The following KDM1B variants were observed in gnomAD, a reference collection of about 807,000 sequenced individuals.
The protein encoded by KDM1B is lysine demethylase 1B.
KDM1B carries 63 observed loss-of-function variants against 107.4 expected under a neutral mutation model. The observed-to-expected ratio is 0.59, with a 90% CI of 0.48 to 0.72. The LOEUF is 0.72. Among genes scored for constraint, KDM1B ranks in the 30% least tolerant of loss-of-function variants. The pLI, the probability that KDM1B is intolerant of heterozygous loss-of-function variation, is 0.00. For synonymous variants in KDM1B, 363 were observed against 363.9 expected, an observed-to-expected ratio of 1.00 and a Z score of 0.03; for missense variants, 749 against 1,020.8, an observed-to-expected ratio of 0.73 and a Z score of 3.63.
At chr6:18,163,268 C>T (rs367828469) in intron 5 of KDM1B, among the ~76,000 whole-genome samples, 1 of 151,934 alleles carries the variant, frequency 6.6e-6, no homozygotes, top group African/African-American at 2.4e-5. Context: ...CCATGTTGTC[C>T]AGGCTGGTCT....
intron 21 of KDM1B, among the ~76,000 whole-genome samples, chr6:18,218,226 C>A (rs1789397942): frequency 6.6e-6 from 1 of 151,986 alleles, no homozygotes; most frequent in Admixed American, 6.6e-5. Context: ...GCTCAGGTGA[C>A]CCTCCCACCT....
intron 21 of KDM1B, among the ~76,000 whole-genome samples, chr6:18,220,380 C>T (rs1427383983): frequency 6.6e-6 from 1 of 152,142 alleles, no homozygotes; most frequent in African/African-American, 2.4e-5. Flanking sequence ...GAAACCCCGT[C>T]ACTACTAAAA....
At chr6:18,218,019 T>C in intron 21 of KDM1B, 134 bp downstream of exon 21, 2 of 898,164 alleles carry the variant, frequency 2.2e-6, no homozygotes, top group Non-Finnish European at 3.4e-6. Context: ...GCAGAAGCCT[T>C]CTCACCATCC....
At chr6:18,171,526 C>A in intron 7 of KDM1B, 47 bp downstream of exon 7, 1 of 956,726 alleles carries the variant, frequency 1.0e-6, no homozygotes, top group Non-Finnish European at 1.7e-6. Context: ...TTAATGTAGT[C>A]AGTAAATAGT....
intron 16 of KDM1B, 150 bp downstream of exon 16, chr6:18,207,679 G>A: frequency 1.1e-6 from 1 of 885,544 alleles, no homozygotes; most frequent in Non-Finnish European, 1.7e-6. Context: ...AGCCTGTGTA[G>A]CATTATCCAT....
In KDM1B at chr6:18,184,101, C is replaced by A. The variant is rs961785528; in HGVS notation, c.535-1671C>A. Among the ~76,000 whole-genome samples, 4 of 152,024 alleles carry A rather than the reference C, an allele frequency of 2.6e-5. No homozygotes were observed. In the South Asian group the frequency reaches 8.3e-4, roughly 31 times the overall value. Reference sequence around the variant, plus strand: ...TCCCAGGAAAGTAACAGAACACACACCAGCCCCTTAGAAGCCCCGTGTCAC... The same window carrying A: ...TCCCAGGAAAGTAACAGAACACACAACAGCCCCTTAGAAGCCCCGTGTCAC... On this transcript the variant is annotated intron_variant, in intron 7 of 21. Coordinates refer to ENST00000650836, the MANE Select transcript of KDM1B (RefSeq NM_001364614.2).
chr6:18,195,814 A>G (rs1395944784), intron 10 of KDM1B, among the ~76,000 whole-genome samples: 1 of 151,976 alleles, frequency 6.6e-6, no homozygotes, highest in African/African-American at 2.4e-5. Flanking sequence ...GCCTTACATC[A>G]TATAGTTACC....
At chr6:18,175,867 A>G (rs111240072) in intron 7 of KDM1B, among the ~76,000 whole-genome samples, 261 of 152,222 alleles carry the variant, frequency 1.7e-3, no homozygotes, top group African/African-American at 6.1e-3. Context: ...TTTGGTGACT[A>G]TGGCCTTATA....
chr6:18,190,490 T>C (rs1561931479), intron 9 of KDM1B, among the ~76,000 whole-genome samples: 3 of 148,570 alleles, frequency 2.0e-5, no homozygotes, highest in Non-Finnish European at 4.5e-5. Flanking sequence ...TAGTCCCAGC[T>C]ACTCGGGAGG....
intron 10 of KDM1B, among the ~76,000 whole-genome samples, chr6:18,194,488 G>A (rs1453415922): frequency 1.3e-5 from 2 of 152,276 alleles, no homozygotes; most frequent in Middle Eastern, 3.4e-3. Flanking sequence ...AAACCGACAC[G>A]ATAAAGTGTA....
At chr6:18,210,295 C>A (rs533760897) in intron 17 of KDM1B, among the ~76,000 whole-genome samples, 1 of 136,944 alleles carries the variant, frequency 7.3e-6, no homozygotes, top group South Asian at 2.3e-4. Flanking sequence ...TATCATTTGC[C>A]TATTTGTTTA....
chr6:18,221,769 A>G lies in KDM1B; in HGVS notation c.2386-140A>G, dbSNP rs188644140. On this transcript the variant is annotated intron_variant, in intron 21 of 21. Coordinates refer to ENST00000650836, the MANE Select transcript of KDM1B (RefSeq NM_001364614.2). Reference sequence around the variant, plus strand: ...AGATAACCAGAAAAGTTCCAGTGTTACGATGGGTGAGTGTGAATATGAGCA... The same window carrying G: ...AGATAACCAGAAAAGTTCCAGTGTTGCGATGGGTGAGTGTGAATATGAGCA... The G allele has an allele frequency of 6.8e-4, 461 of 676,400 alleles. 3 individuals are homozygous for G. In the African/African-American group the frequency reaches 7.4e-3, roughly 11 times the overall value. The allele number at this position is 676,400 out of a possible 1,614,324, so 41.9% of individuals were successfully genotyped here.
At chr6:18,158,401 A>G (rs575701204) in intron 2 of KDM1B, among the ~76,000 whole-genome samples, 32 of 151,602 alleles carry the variant, frequency 2.1e-4, no homozygotes, top group Non-Finnish European at 3.5e-4. Flanking sequence ...GTCAATGTAG[A>G]TGGCAAAATG....
chr6:18,207,102 T>C (rs214600), intron 15 of KDM1B, among the ~76,000 whole-genome samples: 53,198 of 152,084 alleles, frequency 0.35, 9,447 homozygotes, highest in South Asian at 0.48. Flanking sequence ...AAATACAGTT[T>C]TACCCTCATA....
intron 9 of KDM1B, among the ~76,000 whole-genome samples, chr6:18,190,913 A>AC (rs1257524565): frequency 9.2e-5 from 14 of 151,906 alleles, no homozygotes; most frequent in Non-Finnish European, 1.5e-4. Flanking sequence ...AAAAAAAAAA[A>AC]TTAAGATGAT....
In KDM1B at chr6:18,205,819, C is replaced by T. The variant is rs953556521; in HGVS notation, c.1659+155C>T. On this transcript the variant is annotated intron_variant, in intron 15 of 21. Coordinates refer to ENST00000650836, the MANE Select transcript of KDM1B (RefSeq NM_001364614.2). This position sits in a 1 kb window ranked among gnomAD's most constrained non-coding sequence, Gnocchi z 5.7. The stretch of plus-strand genomic sequence containing the variant: ...CCATCCTGGCCAACATGGTGAAACC[C>T]TGTCTCTACTAAAATACAAAAAATT... 2.0e-5 allele frequency among the ~76,000 whole-genome samples: 3 copies of T among 152,014 alleles called. No homozygotes were observed. Among genetic ancestry groups the T allele is most frequent in the African/African-American group, 7.2e-5 (3 of 41,404 alleles).
intron 7 of KDM1B, among the ~76,000 whole-genome samples, chr6:18,177,886 C>T (rs1786132542): frequency 6.6e-6 from 1 of 152,152 alleles, no homozygotes; most frequent in Non-Finnish European, 1.5e-5. Context: ...AGAATATTTA[C>T]TATGTGGTTC....
At chr6:18,164,768 C>T (rs955432053) in intron 5 of KDM1B, among the ~76,000 whole-genome samples, 2 of 151,776 alleles carry the variant, frequency 1.3e-5, no homozygotes, top group African/African-American at 4.8e-5. Flanking sequence ...GCCTCAGCCT[C>T]CTGAGTAGCT....
At chr6:18,161,290 A>G in intron 3 of KDM1B, 37 bp from the exon 4 acceptor site, 1 of 1,608,014 alleles carries the variant, frequency 6.2e-7, no homozygotes, top group Non-Finnish European at 8.5e-7. Flanking sequence ...TTTTGCCATC[A>G]TCAGTGAAAT....
Sources: gnomAD v4.1 joint callset for allele counts (sites outside exome capture counted in the v4.1 genomes callset) on GRCh38, gnomAD v4.1.1 for gene constraint, Gnocchi (gnomAD v3.1) non-coding constraint, MANE v1.5 for transcripts, NCBI Gene and HGNC (gene_info 2026-07-23, HGNC 2026-07-21) for gene names.